Variants in WDR70 observed in about 807,000 individuals in gnomAD.
The protein encoded by WDR70 is WD repeat domain 70.
WDR70 carries 53 observed loss-of-function variants against 88.6 expected under a neutral mutation model. The observed-to-expected ratio is 0.60, with a 90% CI of 0.48 to 0.75. The LOEUF (loss-of-function observed/expected upper bound fraction) is 0.75, where lower values mean the gene tolerates loss of function less well. Among genes scored for constraint, WDR70 ranks in the 30% least tolerant of loss-of-function variants. The pLI, the probability that WDR70 is intolerant of heterozygous loss-of-function variation, is 0.00. For missense variants in WDR70, 610 were observed against 823.2 expected (o/e 0.74, Z 3.17); for synonymous variants, 280 against 270.0 (o/e 1.04, Z -0.36).
intron 13 of WDR70, among the ~76,000 whole-genome samples, chr5:37,720,759 C>T (rs1043644590): frequency 6.6e-6 from 1 of 152,162 alleles, no homozygotes; most frequent in African/African-American, 2.4e-5. Flanking sequence ...GCATGAAATT[C>T]GCTTCAGTGG....
At chr5:37,616,242 G>A (rs982871304) in intron 10 of WDR70, among the ~76,000 whole-genome samples, 1 of 151,730 alleles carries the variant, frequency 6.6e-6, no homozygotes, top group Non-Finnish European at 1.5e-5. Flanking sequence ...TCAGCCTTCC[G>A]AGTAGCTGGG....
intron 10 of WDR70, among the ~76,000 whole-genome samples, chr5:37,626,527 A>G (rs1744669836): frequency 6.6e-6 from 1 of 152,108 alleles, no homozygotes; most frequent in African/African-American, 2.4e-5. Context: ...ATTTTGGTGA[A>G]GATTTTTGCA....
chr5:37,600,907 C>G (rs4869532), intron 9 of WDR70, among the ~76,000 whole-genome samples: 87,476 of 151,960 alleles, frequency 0.58, 25,333 homozygotes, highest in African/African-American at 0.61. Context: ...TGCTCTAACA[C>G]TTTTTTTGTT....
intron 9 of WDR70, among the ~76,000 whole-genome samples, chr5:37,528,333 C>T (rs1287067194): frequency 6.6e-6 from 1 of 152,144 alleles, no homozygotes; most frequent in African/African-American, 2.4e-5. Context: ...GTTGTATGGA[C>T]ATGGATGAAG....
At chr5:37,565,430 T>C (rs2112391257) in intron 9 of WDR70, among the ~76,000 whole-genome samples, 1 of 152,290 alleles carries the variant, frequency 6.6e-6, no homozygotes, top group South Asian at 2.1e-4. Flanking sequence ...TTTTGTGTCA[T>C]TAGTAACTGA....
intron 9 of WDR70, among the ~76,000 whole-genome samples, chr5:37,585,865 A>G (rs1204534752): frequency 1.3e-5 from 2 of 151,928 alleles, no homozygotes; most frequent in Admixed American, 6.6e-5. Context: ...ACTGTGCATA[A>G]TCCCTAATGG....
At chr5:37,668,706 C>T (rs758779831) in intron 10 of WDR70, among the ~76,000 whole-genome samples, 3 of 152,186 alleles carry the variant, frequency 2.0e-5, no homozygotes, top group Non-Finnish European at 2.9e-5. Flanking sequence ...TGAGCTTTCT[C>T]CCGCAGCTGC....
intron 5 of WDR70, among the ~76,000 whole-genome samples, chr5:37,414,308 A>T (rs1228673063): frequency 6.6e-6 from 1 of 152,110 alleles, no homozygotes; most frequent in Non-Finnish European, 1.5e-5. Context: ...CTCTAGCCAC[A>T]TTGATCTTTC....
intron 7 of WDR70, among the ~76,000 whole-genome samples, chr5:37,474,473 G>A (rs200996825): frequency 6.6e-6 from 1 of 152,238 alleles, no homozygotes; most frequent in East Asian, 1.9e-4. Context: ...TTTGCTTTAT[G>A]TATTTGGAGG....
chr5:37,459,283 C>T lies in WDR70; in HGVS notation c.686+15911C>T, dbSNP rs1171581356. On this transcript the variant is annotated intron_variant, in intron 7 of 17. Coordinates refer to ENST00000265107, the MANE Select transcript of WDR70 (RefSeq NM_018034.4). ...ATTTTGGAATAGGTGTGGTGTGGTG[C>T]TGAAAAAAATGTATATTCTTTTGAT... is the stretch of plus-strand genomic sequence containing the variant. Among the ~76,000 whole-genome samples the T allele has an allele frequency of 4.8e-5, 5 of 105,226 alleles. No homozygotes were observed. In the Admixed American group the frequency reaches 5.7e-4, roughly 12 times the overall value. The allele number at this position is 105,226 out of a possible 152,430, so 69.0% of individuals were successfully genotyped here.
intron 9 of WDR70, among the ~76,000 whole-genome samples, chr5:37,589,901 T>A (rs1006195014): frequency 3.3e-5 from 5 of 152,154 alleles, no homozygotes; most frequent in Non-Finnish European, 7.3e-5. Context: ...CGTGCCTAAC[T>A]TCTTGCTGCT....
chr5:37,499,304 G>A (rs1169523984), intron 8 of WDR70, among the ~76,000 whole-genome samples: 1 of 151,728 alleles, frequency 6.6e-6, no homozygotes, highest in Non-Finnish European at 1.5e-5. Flanking sequence ...AGTAGAGATG[G>A]GGTTTCACCA....
chr5:37,400,140 C>T (rs1238092483), intron 5 of WDR70, among the ~76,000 whole-genome samples: 1 of 152,016 alleles, frequency 6.6e-6, no homozygotes, highest in South Asian at 2.1e-4. Context: ...CACCATGTTG[C>T]CCCAGCTGGT....
At chr5:37,676,153 C>T (rs1228286050) in intron 10 of WDR70, among the ~76,000 whole-genome samples, 4 of 150,904 alleles carry the variant, frequency 2.7e-5, no homozygotes. Context: ...ATGGGGTTTT[C>T]TAAATATACA....
At chr5:37,455,970 A>G (rs556259485) in intron 7 of WDR70, among the ~76,000 whole-genome samples, 14 of 152,184 alleles carry the variant, frequency 9.2e-5, no homozygotes, top group Middle Eastern at 3.4e-3. Flanking sequence ...TTGTATGACT[A>G]TATTACATAC....
chr5:37,694,695 G>T (rs1359227605), intron 10 of WDR70, among the ~76,000 whole-genome samples: 1 of 151,974 alleles, frequency 6.6e-6, no homozygotes, highest in Admixed American at 6.6e-5. Flanking sequence ...GGGGCCTGTT[G>T]GGGGGTGTGG....
intron 8 of WDR70, among the ~76,000 whole-genome samples, chr5:37,497,051 C>T (rs1740238133): frequency 6.6e-6 from 1 of 152,184 alleles, no homozygotes; most frequent in East Asian, 1.9e-4. Context: ...GAACTGTTTT[C>T]CTTGCTCAGA....
intron 13 of WDR70, among the ~76,000 whole-genome samples, chr5:37,719,997 C>T (rs1581525436): frequency 6.6e-6 from 1 of 151,992 alleles, no homozygotes; most frequent in African/African-American, 2.4e-5. Context: ...CGCGTGCCAC[C>T]ATGCCCAGCT....
chr5:37,587,384 T>G (rs1317341817), intron 9 of WDR70, among the ~76,000 whole-genome samples: 1 of 151,894 alleles, frequency 6.6e-6, no homozygotes, highest in East Asian at 1.9e-4. Flanking sequence ...AGCCCCCTCC[T>G]CTTTGCGTCT....
Sources: allele counts gnomAD v4.1 joint callset (sites outside exome capture counted in the v4.1 genomes callset), GRCh38; gene constraint gnomAD v4.1.1; transcripts MANE v1.5; gene names NCBI Gene and HGNC (gene_info 2026-07-23, HGNC 2026-07-21).